The following WDR31 variants were observed in gnomAD, a reference collection of about 807,000 sequenced individuals.
WDR31 encodes the protein WD repeat-containing protein 31.
In WDR31, 30 loss-of-function variants were observed where a neutral mutation model predicts 47.3. The ratio of observed to expected loss-of-function variants is 0.63; its 90% confidence interval spans 0.47 to 0.86. The LOEUF (loss-of-function observed/expected upper bound fraction) is 0.86, where lower values mean the gene tolerates loss of function less well. WDR31 is among the 40% of genes least tolerant of loss of function. The pLI, the probability that WDR31 is intolerant of heterozygous loss-of-function variation, is 0.00. For synonymous variants in WDR31, 137 were observed against 159.4 expected (o/e 0.86, Z 1.06); for missense variants, 406 against 442.9 (o/e 0.92, Z 0.75).
At chr9:113,329,810 CT>C (rs1588047404) in intron 4 of WDR31, among the ~76,000 whole-genome samples, 2 of 151,364 alleles carry the variant, frequency 1.3e-5, no homozygotes, top group East Asian at 4.0e-4. Flanking sequence ...CCCATCTCTA[CT>C]AAAAAAAATA....
At chr9:113,320,674 T>C (rs1048586630) in intron 8 of WDR31, among the ~76,000 whole-genome samples, 176 bp from the exon 9 acceptor site, 1 of 152,216 alleles carries the variant, frequency 6.6e-6, no homozygotes, top group African/African-American at 2.4e-5. Context: ...ACTCTAAAGT[T>C]GGCAGGAAGT....
chr9:113,331,253 A>T, intron 3 of WDR31, 137 bp from the exon 4 acceptor site: 1 of 624,928 alleles, frequency 1.6e-6, no homozygotes, highest in Non-Finnish European at 2.5e-6. Context: ...AAAGGAGAAG[A>T]GAAGGGAGAC....
chr9:113,333,522 C>G (rs1283225401), intron 2 of WDR31, among the ~76,000 whole-genome samples: 1 of 151,362 alleles, frequency 6.6e-6, no homozygotes, highest in Non-Finnish European at 1.5e-5. Flanking sequence ...GCTGGGACTA[C>G]AGGCGCCCGC....
At chr9:113,334,209 T>A (rs754169124) in intron 2 of WDR31, among the ~76,000 whole-genome samples, 1 of 152,076 alleles carries the variant, frequency 6.6e-6, no homozygotes, top group Non-Finnish European at 1.5e-5. Flanking sequence ...TTTCGCCAAC[T>A]CCTGGGCTCA....
chr9:113,317,568 G>A (rs1467022575), intron 10 of WDR31, among the ~76,000 whole-genome samples: 1 of 152,246 alleles, frequency 6.6e-6, no homozygotes, highest in East Asian at 1.9e-4. Context: ...ACAGCAGGCT[G>A]TCCTTACTAT....
intron 4 of WDR31, among the ~76,000 whole-genome samples, chr9:113,329,791 T>A (rs1833554261): frequency 6.6e-6 from 1 of 151,110 alleles, no homozygotes; most frequent in African/African-American, 2.4e-5. Context: ...CTGACCAACA[T>A]GGAGAAACCC....
chr9:113,330,991 T>C lies in WDR31; in HGVS notation c.242A>G (p.Lys81Arg). The C allele has an allele frequency of 6.2e-7, 1 of 1,605,286 alleles. No homozygotes were observed. Among genetic ancestry groups the C allele is most frequent in the Non-Finnish European group, 8.5e-7 (1 of 1,173,626 alleles). ...AAACACTGCAAACCCCACCTTATCTTTCCCTCCAGAGACACAAAGGTCTGA... is the reference window on the plus strand; with the variant it reads ...AAACACTGCAAACCCCACCTTATCTCTCCCTCCAGAGACACAAAGGTCTGA... Reference protein sequence around the residue: ...LNSDLCVSGGKDKTVVAYNWK... With the variant: ...LNSDLCVSGGRDKTVVAYNWK... The change falls in exon 4 of 11, where the codon AAA becomes AGA. Residue 81 changes from lysine (K) to arginine (R), a missense_variant. By Grantham distance (26) the Lys-to-Arg change is conservative. Transcript: ENST00000374193.
chr9:113,327,750 G>A lies in WDR31; in HGVS notation c.324+1131C>T, dbSNP rs948421051. The stretch of plus-strand genomic sequence containing the variant: ...GCGAATCACTTGAGGTCAGGAGTTG[G>A]AGACCAGCCTGGCCAACATAGCAAA... On this transcript the variant is annotated intron_variant, in intron 5 of 10. Transcript: ENST00000374193. Among the ~76,000 whole-genome samples, 7 of 152,132 alleles carry A rather than the reference G, an allele frequency of 4.6e-5. No homozygotes were observed. In the South Asian group the frequency reaches 1.5e-3, roughly 32 times the overall value.
intron 3 of WDR31, 147 bp downstream of exon 3, chr9:113,331,760 A>C (rs1833602055): frequency 2.9e-6 from 2 of 701,172 alleles, no homozygotes; most frequent in East Asian, 6.1e-5. Flanking sequence ...ACTGTTTCTT[A>C]TCCAAAAGAA....
chr9:113,325,119 T>C (rs1341966317), intron 5 of WDR31, among the ~76,000 whole-genome samples: 1 of 151,936 alleles, frequency 6.6e-6, no homozygotes, highest in Admixed American at 6.6e-5. Flanking sequence ...CTAATTCTTT[T>C]TTTTTTTTAA....
At position 113,314,064 on chromosome 9, in the gene WDR31, G is replaced by A. The variant is rs1017927694; in HGVS notation, c.*2685C>T. On this transcript the variant is annotated 3_prime_UTR_variant, in exon 11 of 11. Coordinates refer to ENST00000374193, the MANE Select transcript of WDR31 (RefSeq NM_001012361.4). The stretch of plus-strand genomic sequence containing the variant: ...AGTCCCAGCTATTCGGGAGGCTGAG[G>A]CAGGAGAATGGCGTCAACCCGGGAG... 1 of 147,238 alleles carries A rather than the reference G, an allele frequency of 6.8e-6. No individual in the cohort carries two copies. Among genetic ancestry groups the A allele is most frequent in the East Asian group, 2.1e-4 (1 of 4,740 alleles). The allele number at this position is 147,238 out of a possible 1,614,324, so 9.1% of individuals were successfully genotyped here.
At chr9:113,339,981 C>T (rs1438368113) in intron 1 of WDR31, among the ~76,000 whole-genome samples, 9 of 152,194 alleles carry the variant, frequency 5.9e-5, no homozygotes, top group Non-Finnish European at 1.2e-4. Flanking sequence ...GCAATCCACC[C>T]GCCTCGGCCT....
In WDR31 at chr9:113,331,912, T is replaced by C; in HGVS notation, c.111A>G (p.Lys37=). 2 of 1,613,440 alleles carry C rather than the reference T, an allele frequency of 1.2e-6. No individual in the cohort carries two copies. The highest frequency in any genetic ancestry group is 1.7e-6 in the Non-Finnish European group (2 of 1,179,520). ...CCAGGGGAGGATTGCAGTACCCGTA[T>C]TTATAAGTGCTGTGTTTGAGTTTGC... ...QQSKLKHSTY[K]YGRPDEIIEE... is the part of the protein sequence containing the mutation. The change falls in exon 3 of 11, where the codon AAA becomes AAG. Residue 37 remains lysine, a synonymous_variant. Transcript: ENST00000374193.
chr9:113,317,787 G>C (rs1267734327), intron 10 of WDR31, among the ~76,000 whole-genome samples: 4 of 152,374 alleles, frequency 2.6e-5, no homozygotes, highest in Admixed American at 1.3e-4. Flanking sequence ...GATGGAGGCA[G>C]TGGGGTGCTG....
At chr9:113,331,800 C>G in intron 3 of WDR31, 107 bp downstream of exon 3, 1 of 1,003,534 alleles carries the variant, frequency 1.0e-6, no homozygotes, top group Non-Finnish European at 1.5e-6. Flanking sequence ...GGAAGGCCAA[C>G]TATTCAGGGA....
intron 5 of WDR31, among the ~76,000 whole-genome samples, chr9:113,326,482 T>C: frequency 6.6e-6 from 1 of 151,980 alleles, no homozygotes; most frequent in East Asian, 1.9e-4. Flanking sequence ...TCTTTCTTTC[T>C]TTCTGACTGG....
intron 2 of WDR31, among the ~76,000 whole-genome samples, chr9:113,333,375 T>G (rs1489130966): frequency 1.4e-5 from 2 of 139,150 alleles, no homozygotes; most frequent in Non-Finnish European, 3.2e-5. Flanking sequence ...GTTGGATTTT[T>G]TTTTTTTTTT....
intron 8 of WDR31, among the ~76,000 whole-genome samples, chr9:113,321,192 C>G (rs1833317905): frequency 6.6e-6 from 1 of 152,198 alleles, no homozygotes; most frequent in Non-Finnish European, 1.5e-5. Flanking sequence ...GCCAGGCAGC[C>G]CAACAGGGTG....
At chr9:113,335,495 T>C (rs1833698262) in intron 2 of WDR31, among the ~76,000 whole-genome samples, 2 of 152,186 alleles carry the variant, frequency 1.3e-5, no homozygotes, top group Admixed American at 6.5e-5. Flanking sequence ...ATGACCAACC[T>C]AATTCTAGGA....
Sources: allele counts gnomAD v4.1 joint callset (sites outside exome capture counted in the v4.1 genomes callset), GRCh38; gene constraint gnomAD v4.1.1; transcripts MANE v1.5; gene names NCBI Gene and HGNC (gene_info 2026-07-23, HGNC 2026-07-21).